Variants in PIEZO2 observed in about 807,000 individuals in gnomAD.
PIEZO2 encodes piezo type mechanosensitive ion channel component 2, also known as piezo-type mechanosensitive ion channel component 2.
PIEZO2 carries 172 observed loss-of-function variants against 337.3 expected under a neutral mutation model. The observed-to-expected ratio is 0.51, with a 90% CI of 0.45 to 0.58. PIEZO2 has a LOEUF of 0.58. Among genes scored for constraint, PIEZO2 ranks in the 20% least tolerant of loss-of-function variants. PIEZO2 has a pLI of 0.00. For synonymous variants in PIEZO2, 1,251 were observed against 1,228.5 expected, an observed-to-expected ratio of 1.02 and a Z score of -0.38; for missense variants, 3,028 against 3,391.3, an observed-to-expected ratio of 0.89 and a Z score of 2.66.
chr18:11,000,817 A>G (rs2035505185), intron 2 of PIEZO2, among the ~76,000 whole-genome samples: 1 of 152,148 alleles, frequency 6.6e-6, no homozygotes, highest in Non-Finnish European at 1.5e-5. Context: ...CTGGGAGCAG[A>G]CTGAGGCAAA....
chr18:10,945,338 C>T lies in PIEZO2; in HGVS notation c.287-34110G>A, dbSNP rs957299427. ...GGGATTACAGATGTGAGCCACTGCA[C>T]CTGGCTGAAACTCTCTAAAAGACCC... On this transcript the variant is annotated intron_variant, in intron 3 of 55. Coordinates refer to ENST00000674853, the MANE Select transcript of PIEZO2 (RefSeq NM_001378183.1). The surrounding 1 kb of genome is among the most constrained non-coding windows in gnomAD (Gnocchi z 4.0). Among the ~76,000 whole-genome samples, 3 of 152,232 alleles carry T rather than the reference C, an allele frequency of 2.0e-5. No homozygotes were observed. Among genetic ancestry groups the T allele is most frequent in the South Asian group, 4.1e-4 (2 of 4,822 alleles).
intron 13 of PIEZO2, 66 bp from the exon 14 acceptor site, chr18:10,791,390 AT>A: frequency 7.1e-7 from 1 of 1,399,280 alleles, no homozygotes; most frequent in Non-Finnish European, 9.4e-7. Flanking sequence ...CATTCAACAA[AT>A]GTAACATTTT....
At chr18:10,749,835 A>G (rs1238665749) in intron 29 of PIEZO2, among the ~76,000 whole-genome samples, 2 of 152,186 alleles carry the variant, frequency 1.3e-5, no homozygotes, top group Non-Finnish European at 2.9e-5. Context: ...ACAGCACTAC[A>G]TCCAATCTCC....
intron 1 of PIEZO2, among the ~76,000 whole-genome samples, chr18:11,135,843 TCTC>T (rs2040468364): frequency 6.6e-6 from 1 of 152,196 alleles, no homozygotes; most frequent in Non-Finnish European, 1.5e-5. Flanking sequence ...CTGGGATACT[TCTC>T]CTTCCTTGGG....
intron 1 of PIEZO2, among the ~76,000 whole-genome samples, chr18:11,108,717 G>C (rs548261388): frequency 3.5e-4 from 53 of 150,470 alleles, no homozygotes; most frequent in African/African-American, 1.2e-3. Flanking sequence ...CACACCCACT[G>C]TGTGGTGGGT....
intron 18 of PIEZO2, 99 bp downstream of exon 18, chr18:10,780,226 A>G (rs904496537): frequency 8.8e-6 from 6 of 684,690 alleles, no homozygotes; most frequent in African/African-American, 1.8e-5. Context: ...AGTGTCCACT[A>G]TCTGACAACA....
rs1281398051 is a variant in PIEZO2, at chr18:10,795,049, C to T, written c.1528-47G>A. 19 of 1,429,608 alleles carry T rather than the reference C, an allele frequency of 1.3e-5. No homozygotes were observed. The highest frequency in any genetic ancestry group is 5.0e-5 in the East Asian group (2 of 40,344). 88.6% of individuals were successfully genotyped at this position (1,429,608 alleles called of 1,614,324 possible). A position where few individuals can be genotyped will look rare whatever the true frequency, so the allele number is the denominator to read the frequency against. On this transcript the variant is annotated intron_variant, in intron 12 of 55. Transcript: ENST00000674853. The surrounding 1 kb of genome is among the most constrained non-coding windows in gnomAD (Gnocchi z 4.4). ...ACACGACCATGGTCAATACAATGCT[C>T]AGTCCCCCCCGCCCTGGTAAGGTAA...
intron 1 of PIEZO2, among the ~76,000 whole-genome samples, chr18:11,093,649 C>G (rs1055887106): frequency 1.3e-4 from 18 of 136,500 alleles, no homozygotes; most frequent in Admixed American, 1.1e-3. Context: ...TGCAGTGGCG[C>G]AATCTCGGCT....
chr18:10,995,077 C>CAAAAAA (rs767666232), intron 2 of PIEZO2, among the ~76,000 whole-genome samples: 1 of 28,302 alleles, frequency 3.5e-5, no homozygotes, highest in Non-Finnish European at 7.6e-5. Context: ...GACTCCGTCT[C>CAAAAAA]AAAAAAAAAA....
intron 1 of PIEZO2, among the ~76,000 whole-genome samples, chr18:11,082,323 CTT>C (rs148198844): frequency 0.37 from 54,326 of 144,918 alleles, 10,518 homozygotes; most frequent in East Asian, 0.56. Flanking sequence ...TTTTCTTTTT[CTT>C]TTTTTTTTTT....
chr18:11,034,584 G>A (rs920760939), intron 2 of PIEZO2, among the ~76,000 whole-genome samples: 7 of 152,162 alleles, frequency 4.6e-5, no homozygotes, highest in African/African-American at 1.7e-4. Flanking sequence ...TGAGCCACGC[G>A]CCTGGCTAAA....
intron 1 of PIEZO2, among the ~76,000 whole-genome samples, chr18:11,090,862 C>G (rs1026197342): frequency 4.7e-5 from 7 of 149,376 alleles, no homozygotes; most frequent in Non-Finnish European, 3.0e-5. Context: ...TGCAGTGAGC[C>G]GAGATCGCGC....
At chr18:11,084,102 G>T (rs1028931650) in intron 1 of PIEZO2, among the ~76,000 whole-genome samples, 1 of 151,114 alleles carries the variant, frequency 6.6e-6, no homozygotes, top group Admixed American at 6.6e-5. Flanking sequence ...ACTTGAACCT[G>T]GGGGGTGGAG....
chr18:10,794,926 T>C lies in PIEZO2; in HGVS notation c.1604A>G (p.Asn535Ser). ...IWSCTLWMIR[N>S]RRKYAMISSP... ...GCTGATCATGGCATATTTTCTTCTG[T>C]TGCGAATCATCCAAAGAGTGCACGA... The change falls in exon 13 of 56, where the codon AAC (asparagine) becomes AGC (serine). Residue 535 changes from asparagine to serine, a missense_variant. Physicochemically the swap from Asn to Ser is conservative, Grantham distance 46 (BLOSUM62 1). Transcript: ENST00000674853. The surrounding 1 kb of genome is among the most constrained non-coding windows in gnomAD (Gnocchi z 6.6). 6.5e-7 allele frequency: 1 copy of C among 1,544,548 alleles called. No individual in the cohort carries two copies. Among genetic ancestry groups the C allele is most frequent in the Non-Finnish European group, 8.7e-7 (1 of 1,146,958 alleles).
Position 10,819,568 on chromosome 18 carries a change from G to C in PIEZO2, c.918-12294C>G, listed in dbSNP as rs527808404. Among the ~76,000 whole-genome samples the C allele has an allele frequency of 6.6e-6, 1 of 152,276 alleles. No individual in the cohort carries two copies. The highest frequency in any genetic ancestry group is 2.1e-4 in the South Asian group (1 of 4,822). On this transcript the variant is annotated intron_variant, in intron 7 of 55. Transcript: ENST00000674853. The surrounding 1 kb of genome is among the most constrained non-coding windows in gnomAD (Gnocchi z 4.3). ...CATGTCACTTAACAAAAAATCCAAA[G>C]ATGAGCAGTTCCAGGTTAGCTAATT...
Position 11,132,045 on chromosome 18 carries a change from C to T in PIEZO2, c.64+16480G>A, listed in dbSNP as rs183866284. On this transcript the variant is annotated intron_variant, in intron 1 of 55. Coordinates refer to ENST00000674853, the MANE Select transcript of PIEZO2 (RefSeq NM_001378183.1). The surrounding 1 kb of genome is among the most constrained non-coding windows in gnomAD (Gnocchi z 4.7). ...ACAGCAGAGACCAATACTGAGCCCT[C>T]GATATGTCACCTTTCCTCAGGGTGA... 2.0e-3 allele frequency among the ~76,000 whole-genome samples: 303 copies of T among 152,234 alleles called. 1 individual carries two copies. Among genetic ancestry groups the T allele is most frequent in the Admixed American group, 3.7e-3 (56 of 15,302 alleles).
intron 14 of PIEZO2, among the ~76,000 whole-genome samples, chr18:10,790,921 G>T (rs2039389727): frequency 6.6e-6 from 1 of 152,132 alleles, no homozygotes; most frequent in Non-Finnish European, 1.5e-5. Flanking sequence ...AGCCAGGATG[G>T]TCTCAATGTC....
chr18:10,936,675 A>C (rs1258584831), intron 3 of PIEZO2, among the ~76,000 whole-genome samples: 1 of 152,216 alleles, frequency 6.6e-6, no homozygotes, highest in African/African-American at 2.4e-5. Context: ...TGTAGGAAGG[A>C]AACAGTCAGA....
chr18:11,130,967 G>T (rs2146236701), intron 1 of PIEZO2, among the ~76,000 whole-genome samples: 1 of 152,298 alleles, frequency 6.6e-6, no homozygotes, highest in African/African-American at 2.4e-5. Flanking sequence ...CAGATCCAAT[G>T]GTGTTTGAGG....
Sources: allele counts gnomAD v4.1 joint callset (sites outside exome capture counted in the v4.1 genomes callset), GRCh38; gene constraint gnomAD v4.1.1; non-coding constraint Gnocchi (gnomAD v3.1); transcripts MANE v1.5; gene names NCBI Gene and HGNC (gene_info 2026-07-23, HGNC 2026-07-21).